The following C11orf65 variants were observed in gnomAD, a reference collection of about 807,000 sequenced individuals.
C11orf65 encodes chromosome 11 open reading frame 65.
C11orf65 carries 38 observed loss-of-function variants against 35.3 expected under a neutral mutation model. The observed-to-expected ratio is 1.08, with a 90% CI of 0.83 to 1.41. The LOEUF is 1.41. Ranked by LOEUF, C11orf65 falls within the 40% of genes most tolerant of loss-of-function variation. C11orf65 has a pLI of 0.00. For synonymous variants in C11orf65, 105 were observed against 114.4 expected, an observed-to-expected ratio of 0.92 and a Z score of 0.53; for missense variants, 370 against 367.1, an observed-to-expected ratio of 1.01 and a Z score of -0.06.
chr11:108,361,109 C>A (rs2090691118), intron 2 of C11orf65, among the ~76,000 whole-genome samples: 1 of 133,988 alleles, frequency 7.5e-6, no homozygotes, highest in Admixed American at 8.1e-5. Context: ...TCTCAGGATA[C>A]AAAATCAATG....
intron 2 of C11orf65, among the ~76,000 whole-genome samples, chr11:108,364,688 G>C (rs1048847545): frequency 6.6e-6 from 1 of 152,186 alleles, no homozygotes; most frequent in Non-Finnish European, 1.5e-5. Flanking sequence ...GTGCTCTCCA[G>C]TTCCCACATC....
At chr11:108,322,729 T>G (rs2085325824) in intron 6 of C11orf65, among the ~76,000 whole-genome samples, 1 of 152,182 alleles carries the variant, frequency 6.6e-6, no homozygotes, top group African/African-American at 2.4e-5. Flanking sequence ...AAATTCAAGT[T>G]TAAAAAATTC....
chr11:108,402,800 T>G (rs2092462256), intron 6 of C11orf65, among the ~76,000 whole-genome samples: 1 of 152,316 alleles, frequency 6.6e-6, no homozygotes, highest in Admixed American at 6.5e-5. Flanking sequence ...CAGATTTGTG[T>G]CTTCTAGAAT....
chr11:108,328,887 C>A, downstream of C11orf65: 2 of 1,016,172 alleles, frequency 2.0e-6, no homozygotes, highest in Non-Finnish European at 1.5e-6. Flanking sequence ...GACAAGTTTG[C>A]AATAGTTCAT....
chr11:108,385,197 G>A (rs575570970), intron 8 of C11orf65, among the ~76,000 whole-genome samples: 7 of 152,018 alleles, frequency 4.6e-5, no homozygotes, highest in Non-Finnish European at 7.4e-5. Flanking sequence ...CACAGCCTCC[G>A]AGTATCTGAG....
At position 108,343,245 on chromosome 11, in the gene C11orf65, T is replaced by C. The variant is rs781690523; in HGVS notation, c.227-7953A>G. On this transcript the variant is annotated intron_variant, in intron 2 of 3. Transcript: ENST00000524755. ...AGGTGGTTCCCCTCTCTCAGCGAAG[T>C]GGTGTTCTTGAATGGTGCACAGGAA... The C allele has an allele frequency of 6.2e-7, 1 of 1,613,964 alleles. No individual in the cohort carries two copies. Among genetic ancestry groups the C allele is most frequent in the Admixed American group, 1.7e-5 (1 of 60,004 alleles).
chr11:108,310,367 A>C, intron 6 of C11orf65: 1 of 1,527,380 alleles, frequency 6.5e-7, no homozygotes, highest in Non-Finnish European at 9.0e-7. Flanking sequence ...GCATTGTCTC[A>C]ATAAGGGTAT....
At chr11:108,356,728 G>C (rs1046565302) in intron 2 of C11orf65, among the ~76,000 whole-genome samples, 1 of 152,046 alleles carries the variant, frequency 6.6e-6, no homozygotes, top group Non-Finnish European at 1.5e-5. Context: ...TTCTTTTAGG[G>C]CCTCAGAAAT....
chr11:108,451,889 AAAAC>A (rs1381727308), intron 2 of C11orf65, among the ~76,000 whole-genome samples: 1 of 152,210 alleles, frequency 6.6e-6, no homozygotes, highest in Non-Finnish European at 1.5e-5. Context: ...AAACCTGAGA[AAAAC>A]AAGCAATGGG....
At chr11:108,375,817 A>G (rs1159573554) in intron 2 of C11orf65, among the ~76,000 whole-genome samples, 5 of 152,144 alleles carry the variant, frequency 3.3e-5, no homozygotes, top group Admixed American at 2.6e-4. Flanking sequence ...GAAAACAAAA[A>G]AAGGCAGGGG....
intron 6 of C11orf65, among the ~76,000 whole-genome samples, chr11:108,403,531 T>A (rs1048339660): frequency 2.0e-5 from 3 of 151,228 alleles, no homozygotes; most frequent in African/African-American, 7.3e-5. Flanking sequence ...AATTTAAAAT[T>A]GTTTCTTTTA....
chr11:108,412,630 A>T (rs1220068869), intron 3 of C11orf65, among the ~76,000 whole-genome samples: 5 of 152,264 alleles, frequency 3.3e-5, no homozygotes, highest in African/African-American at 1.2e-4. Flanking sequence ...CAGCTACTTC[A>T]GAGGCTGGGG....
chr11:108,330,979 A>T (rs2086179903), downstream of C11orf65, among the ~76,000 whole-genome samples: 1 of 152,196 alleles, frequency 6.6e-6, no homozygotes, highest in South Asian at 2.1e-4. Flanking sequence ...GTCAATTTGA[A>T]GGTTAGAGAT....
chr11:108,449,603 A>T (rs2093318356), intron 2 of C11orf65, among the ~76,000 whole-genome samples: 1 of 151,948 alleles, frequency 6.6e-6, no homozygotes, highest in Non-Finnish European at 1.5e-5. Context: ...CTGAAACTGG[A>T]TCCCTTCCTT....
intron 2 of C11orf65, among the ~76,000 whole-genome samples, chr11:108,440,889 C>T (rs1257189079): frequency 6.6e-6 from 1 of 152,168 alleles, no homozygotes; most frequent in Non-Finnish European, 1.5e-5. Context: ...GAGCCCCAGT[C>T]TACAGCTCCC....
chr11:108,331,640 C>T, intron 3 of C11orf65: 2 of 1,419,954 alleles, frequency 1.4e-6, no homozygotes, highest in Non-Finnish European at 1.9e-6. Flanking sequence ...TATACCATTC[C>T]CTCTAAGAAA....
intron 2 of C11orf65, chr11:108,368,400 T>C (rs540428580): frequency 4.8e-6 from 1 of 209,804 alleles, no homozygotes; most frequent in South Asian, 1.9e-4. Flanking sequence ...ATATTAATCA[T>C]AGAATAGTTG....
intron 2 of C11orf65, chr11:108,368,715 T>C (rs2091455663): frequency 4.7e-6 from 1 of 214,844 alleles, no homozygotes; most frequent in South Asian, 1.9e-4. Flanking sequence ...GTGTCCAGAT[T>C]AAGGGAGATA....
intron 6 of C11orf65, chr11:108,310,059 T>G: frequency 7.9e-7 from 1 of 1,268,160 alleles, no homozygotes; most frequent in Admixed American, 2.2e-5. Context: ...TTTGTAATTT[T>G]CTGTTAAGCA....
Sources: gnomAD v4.1 joint callset for allele counts (sites outside exome capture counted in the v4.1 genomes callset) on GRCh38, gnomAD v4.1.1 for gene constraint, MANE v1.5 for transcripts, NCBI Gene and HGNC (gene_info 2026-07-23, HGNC 2026-07-21) for gene names.